Variants in MAPRE2 observed in about 807,000 individuals in gnomAD.
MAPRE2 encodes the protein microtubule-associated protein RP/EB family member 2.
Under a neutral mutation model 43.2 loss-of-function variants are expected in MAPRE2, and 13 were observed. That is an observed-to-expected ratio of 0.30 (90% confidence interval 0.20 to 0.48). The LOEUF is 0.48. MAPRE2 is among the 20% of genes least tolerant of loss of function. The probability of loss-of-function intolerance (pLI) is 0.99; values close to 1 mark genes in which losing one functional copy is unlikely to be tolerated. For synonymous variants in MAPRE2, 135 were observed against 148.8 expected (o/e 0.91, Z 0.68); for missense variants, 161 against 400.2 (o/e 0.40, Z 5.10).
intron 1 of MAPRE2, chr18:34,978,349 G>C: frequency 1.5e-6 from 1 of 684,676 alleles, no homozygotes; most frequent in East Asian, 2.8e-5. Flanking sequence ...CGAAACGGAA[G>C]AACTTCCTTG....
At chr18:35,013,354 A>G (rs889866098) in intron 2 of MAPRE2, among the ~76,000 whole-genome samples, 1 of 152,214 alleles carries the variant, frequency 6.6e-6, no homozygotes, top group African/African-American at 2.4e-5. Flanking sequence ...CATAGGAGAA[A>G]CTGGTAGAAA....
At position 35,141,620 on chromosome 18, in the gene MAPRE2, T is replaced by G. The variant is rs1910642968; in HGVS notation, c.*1251T>G. 6.6e-6 allele frequency: 1 copy of G among 151,470 alleles called. No homozygotes were observed. Among genetic ancestry groups the G allele is most frequent in the Non-Finnish European group, 1.5e-5 (1 of 68,042 alleles). The allele number at this position is 151,470 out of a possible 1,614,324, so 9.4% of individuals were successfully genotyped here. A position where few individuals can be genotyped will look rare whatever the true frequency, so the allele number is the denominator to read the frequency against. On this transcript the variant is annotated 3_prime_UTR_variant, in exon 7 of 7. Transcript: ENST00000300249. ...CATTCCTTATTTTTTAACTAATATT[T>G]GTACATTTTCTTAGTCTCTTTCCAA...
intron 1 of MAPRE2, among the ~76,000 whole-genome samples, chr18:35,004,843 A>G (rs1214929373): frequency 6.6e-6 from 1 of 151,742 alleles, no homozygotes; most frequent in Non-Finnish European, 1.5e-5. Flanking sequence ...GCGTGAGCCC[A>G]GGAGGCAGAG....
chr18:35,126,453 A>C (rs1194215625), intron 4 of MAPRE2, among the ~76,000 whole-genome samples: 1 of 152,244 alleles, frequency 6.6e-6, no homozygotes, highest in African/African-American at 2.4e-5. Flanking sequence ...TGCCACTGCT[A>C]TGGAGATGTC....
intron 6 of MAPRE2, among the ~76,000 whole-genome samples, chr18:35,136,906 T>TA (rs1304589820): frequency 3.3e-5 from 5 of 152,260 alleles, no homozygotes; most frequent in African/African-American, 4.8e-5. Context: ...AATAGATTGA[T>TA]ACGCACATAT....
At chr18:35,057,018 G>T (rs116583240) in intron 1 of MAPRE2, among the ~76,000 whole-genome samples, 81 of 152,052 alleles carry the variant, frequency 5.3e-4, no homozygotes, top group African/African-American at 1.9e-3. Context: ...TTTTTTGTTT[G>T]TTTGTTTTGT....
chr18:35,040,040 C>T (rs2097052791), upstream of MAPRE2, among the ~76,000 whole-genome samples: 1 of 152,130 alleles, frequency 6.6e-6, no homozygotes, highest in African/African-American at 2.4e-5. Flanking sequence ...CCTGTCTCTA[C>T]TAAAATACAA....
At chr18:34,985,651 A>G (rs1483825623) in intron 1 of MAPRE2, among the ~76,000 whole-genome samples, 3 of 103,688 alleles carry the variant, frequency 2.9e-5, no homozygotes, top group Non-Finnish European at 3.7e-5. Flanking sequence ...AATATATAAC[A>G]TATGATATAT....
At chr18:35,133,881 C>T (rs891853557) in intron 6 of MAPRE2, among the ~76,000 whole-genome samples, 7 of 152,148 alleles carry the variant, frequency 4.6e-5, no homozygotes, top group Non-Finnish European at 1.0e-4. Context: ...TCTGTTCTGC[C>T]ATACCCATCA....
At chr18:35,030,852 C>T (rs1322844534) in intron 2 of MAPRE2, among the ~76,000 whole-genome samples, 1 of 152,210 alleles carries the variant, frequency 6.6e-6, no homozygotes, top group Non-Finnish European at 1.5e-5. Context: ...CACTGTGCTA[C>T]ATACATGTGA....
intron 1 of MAPRE2, chr18:34,978,132 G>A (rs1399463958): frequency 3.5e-6 from 1 of 289,056 alleles, no homozygotes. Flanking sequence ...ACGAACATTA[G>A]CCTTTCCTTC....
At chr18:34,977,781 A>G (rs1254622504) in intron 1 of MAPRE2, among the ~76,000 whole-genome samples, 1 of 152,142 alleles carries the variant, frequency 6.6e-6, no homozygotes, top group Non-Finnish European at 1.5e-5. Context: ...GGCGAGGGCT[A>G]CTCAGCGACT....
At chr18:35,109,929 A>G (rs1909099552) in intron 4 of MAPRE2, among the ~76,000 whole-genome samples, 1 of 151,784 alleles carries the variant, frequency 6.6e-6, no homozygotes, top group East Asian at 1.9e-4. Context: ...CATCTTCTGG[A>G]TTTTTAAAGT....
chr18:35,101,907 C>T (rs999607137), intron 3 of MAPRE2, 39 bp from the exon 4 acceptor site: 20 of 1,453,598 alleles, frequency 1.4e-5, no homozygotes, highest in Admixed American at 2.0e-5. Flanking sequence ...TATACCCAAA[C>T]GTGAGGTTTG....
At chr18:35,073,899 T>C (rs191283672) in intron 2 of MAPRE2, among the ~76,000 whole-genome samples, 1 of 152,326 alleles carries the variant, frequency 6.6e-6, no homozygotes, top group Non-Finnish European at 1.5e-5. Context: ...TTGTAGTAAG[T>C]TGCAAAACAG....
chr18:34,998,772 A>ATGTTTTTTTTT (rs2097027858), intron 1 of MAPRE2, among the ~76,000 whole-genome samples: 1 of 93,732 alleles, frequency 1.1e-5, no homozygotes, highest in African/African-American at 5.0e-5. Context: ...CGAAGTTGCA[A>ATGTTTTTTTTT]TTTTTTTTTT....
At chr18:34,992,978 A>G (rs1313608105) in intron 1 of MAPRE2, among the ~76,000 whole-genome samples, 2 of 152,226 alleles carry the variant, frequency 1.3e-5, no homozygotes, top group Admixed American at 6.5e-5. Context: ...GAAGACATGG[A>G]AAAAGCAGAA....
rs75803331 is a variant in MAPRE2, at chr18:35,140,889, G to A, written c.*520G>A. 4.6e-3 allele frequency: 706 copies of A among 153,310 alleles called. 2 individuals carry two copies. Among genetic ancestry groups the A allele is most frequent in the African/African-American group, 0.016 (660 of 41,568 alleles). 9.5% of individuals were successfully genotyped at this position (153,310 alleles called of 1,614,324 possible). ...AGATACTTGATATGAAAGCCATAAT[G>A]ACGGTGACTTGTGTCGTGGGGGAAA... On this transcript the variant is annotated 3_prime_UTR_variant, in exon 7 of 7. Transcript: ENST00000300249.
chr18:35,126,689 G>A (rs2144236870), intron 4 of MAPRE2, among the ~76,000 whole-genome samples: 1 of 152,116 alleles, frequency 6.6e-6, no homozygotes, highest in East Asian at 1.9e-4. Context: ...AGAGGGAGAA[G>A]GGACAATGGC....
Sources: gnomAD v4.1 joint callset for allele counts (sites outside exome capture counted in the v4.1 genomes callset) on GRCh38, gnomAD v4.1.1 for gene constraint, MANE v1.5 for transcripts, NCBI Gene and HGNC (gene_info 2026-07-23, HGNC 2026-07-21) for gene names.